The following PAK5 variants were observed in gnomAD, a reference collection of about 807,000 sequenced individuals.
The protein encoded by PAK5 is p21 (RAC1) activated kinase 5.
A neutral mutation model predicts 65.9 loss-of-function variants in PAK5; 16 were observed. That is an observed-to-expected ratio of 0.24 (90% CI 0.16 to 0.37). The LOEUF is 0.37. PAK5 is among the 10% of genes least tolerant of loss of function. The pLI, the probability that PAK5 is intolerant of heterozygous loss-of-function variation, is 1.00. For synonymous variants in PAK5, 371 were observed against 354.9 expected, an observed-to-expected ratio of 1.05 and a Z score of -0.51; for missense variants, 785 against 903.9, an observed-to-expected ratio of 0.87 and a Z score of 1.69.
rs189113535 is a variant in PAK5, at chr20:9,568,297, T to A, written c.991-1913A>T. Among the ~76,000 whole-genome samples the A allele has an allele frequency of 3.3e-5, 5 of 152,140 alleles. No homozygotes were observed. In the East Asian group the frequency reaches 5.8e-4, roughly 18 times the overall value. The stretch of plus-strand genomic sequence containing the variant: ...CTGAGATTAGGGTGGTTATTGTAGA[T>A]GGGGTGAGAAATGGTGAAATCTAGG... On this transcript the variant is annotated intron_variant, in intron 4 of 9. Coordinates refer to ENST00000353224, the MANE Select transcript of PAK5 (RefSeq NM_177990.4).
intron 1 of PAK5, among the ~76,000 whole-genome samples, chr20:9,721,358 A>C (rs564197354): frequency 1.3e-5 from 2 of 152,198 alleles, no homozygotes; most frequent in South Asian, 4.2e-4. Flanking sequence ...TATAGGAGCA[A>C]GAATGTTGGC....
At chr20:9,769,786 C>A (rs931454956) in intron 1 of PAK5, among the ~76,000 whole-genome samples, 1 of 152,212 alleles carries the variant, frequency 6.6e-6, no homozygotes, top group Non-Finnish European at 1.5e-5. Context: ...TTTTCCTCTT[C>A]TTTTAATCAG....
At chr20:9,563,669 C>T (rs976651884) in intron 5 of PAK5, among the ~76,000 whole-genome samples, 2 of 152,168 alleles carry the variant, frequency 1.3e-5, no homozygotes, top group Non-Finnish European at 1.5e-5. Context: ...TGTTTCCACT[C>T]GAGTTTTCAG....
chr20:9,691,808 CCATATTCAGTCTGCAAGTTATTT>C (rs2047801809), intron 2 of PAK5, among the ~76,000 whole-genome samples: 1 of 152,118 alleles, frequency 6.6e-6, no homozygotes, highest in Non-Finnish European at 1.5e-5. Flanking sequence ...CAAGAAAACC[CCATATTCAGTCTGCAAGTTATTT>C]TTATAAACAT....
chr20:9,831,466 A>C (rs932501790), intron 1 of PAK5, among the ~76,000 whole-genome samples: 4 of 152,250 alleles, frequency 2.6e-5, no homozygotes, highest in Non-Finnish European at 5.9e-5. Context: ...TATTTGTAAA[A>C]TAGTGGATTT....
At chr20:9,614,185 C>CA (rs1780461325) in intron 3 of PAK5, among the ~76,000 whole-genome samples, 1 of 152,060 alleles carries the variant, frequency 6.6e-6, no homozygotes, top group Admixed American at 6.6e-5. Flanking sequence ...TGCGAGAGAT[C>CA]AAAAACACTA....
At chr20:9,763,707 T>G (rs1206218081) in intron 1 of PAK5, among the ~76,000 whole-genome samples, 1 of 152,156 alleles carries the variant, frequency 6.6e-6, no homozygotes, top group Non-Finnish European at 1.5e-5. Flanking sequence ...TTCCCGTTTT[T>G]TTTATTTTGA....
intron 1 of PAK5, among the ~76,000 whole-genome samples, chr20:9,834,966 C>CA (rs1270673440): frequency 2.0e-5 from 3 of 152,076 alleles, no homozygotes; most frequent in Non-Finnish European, 4.4e-5. Flanking sequence ...CCTCAGTTGC[C>CA]AAAAAAATAT....
At chr20:9,658,468 G>T (rs1569024623) in intron 2 of PAK5, among the ~76,000 whole-genome samples, 1 of 152,144 alleles carries the variant, frequency 6.6e-6, no homozygotes, top group African/African-American at 2.4e-5. Flanking sequence ...CTAGGAAAAG[G>T]CACATAAGAT....
At chr20:9,654,010 C>T (rs920729492) in intron 2 of PAK5, among the ~76,000 whole-genome samples, 1 of 148,502 alleles carries the variant, frequency 6.7e-6, no homozygotes, top group Non-Finnish European at 1.5e-5. Context: ...GGCTGGAGTG[C>T]TGTAGTGTGA....
At chr20:9,593,339 T>C (rs534272215) in intron 3 of PAK5, among the ~76,000 whole-genome samples, 1 of 152,198 alleles carries the variant, frequency 6.6e-6, no homozygotes, top group South Asian at 2.1e-4. Context: ...TTAGGCTCCC[T>C]TCATCCTCAA....
chr20:9,713,739 A>G (rs929493936), intron 1 of PAK5, among the ~76,000 whole-genome samples: 2 of 152,162 alleles, frequency 1.3e-5, no homozygotes, highest in African/African-American at 2.4e-5. Flanking sequence ...GAAGGTTATT[A>G]TGTTAAGTGA....
chr20:9,545,520 A>G (rs1435958791), intron 7 of PAK5, among the ~76,000 whole-genome samples: 4 of 152,202 alleles, frequency 2.6e-5, no homozygotes, highest in African/African-American at 7.2e-5. Flanking sequence ...TACAGTCTCC[A>G]GGGTATGAAT....
At chr20:9,788,930 A>G (rs1248449926) in intron 1 of PAK5, among the ~76,000 whole-genome samples, 3 of 152,160 alleles carry the variant, frequency 2.0e-5, no homozygotes, top group Non-Finnish European at 4.4e-5. Context: ...ACAACCATCA[A>G]ACACACTAAG....
intron 1 of PAK5, among the ~76,000 whole-genome samples, chr20:9,820,722 C>A (rs1246385152): frequency 3.9e-5 from 6 of 152,048 alleles, no homozygotes; most frequent in African/African-American, 1.2e-4. Context: ...AAGTATGGAC[C>A]AAGGCAGGCA....
At chr20:9,608,868 C>T (rs1326172581) in intron 3 of PAK5, among the ~76,000 whole-genome samples, 1 of 152,196 alleles carries the variant, frequency 6.6e-6, no homozygotes, top group African/African-American at 2.4e-5. Context: ...AGCTGCTGCT[C>T]CTTCATCTAT....
intron 1 of PAK5, among the ~76,000 whole-genome samples, chr20:9,723,997 C>T (rs2048246871): frequency 6.6e-6 from 1 of 152,190 alleles, no homozygotes; most frequent in Admixed American, 6.5e-5. Context: ...AATAGCACCT[C>T]ATGTCAGCCA....
chr20:9,590,091 T>G (rs1161890565), intron 3 of PAK5, among the ~76,000 whole-genome samples: 1 of 151,994 alleles, frequency 6.6e-6, no homozygotes, highest in Non-Finnish European at 1.5e-5. Context: ...GGGCTCAAGT[T>G]ATTCTGGGTA....
intron 4 of PAK5, 130 bp downstream of exon 4, chr20:9,580,015 G>A (rs2045949355): frequency 1.4e-6 from 1 of 713,664 alleles, no homozygotes; most frequent in Non-Finnish European, 2.3e-6. Flanking sequence ...AGATAGGGTG[G>A]GTTTTGATAT....
Sources: allele counts gnomAD v4.1 joint callset (sites outside exome capture counted in the v4.1 genomes callset), GRCh38; gene constraint gnomAD v4.1.1; transcripts MANE v1.5; gene names NCBI Gene and HGNC (gene_info 2026-07-23, HGNC 2026-07-21).